RPL22: variants seen among roughly 807,000 people sequenced by gnomAD.
The protein encoded by RPL22 is ribosomal protein L22.
A neutral mutation model predicts 16.2 loss-of-function variants in RPL22; 4 were observed. That is an observed-to-expected ratio of 0.25 (90% CI 0.12 to 0.57). The LOEUF (loss-of-function observed/expected upper bound fraction) is 0.57. RPL22 is among the 20% of genes least tolerant of loss of function. RPL22 has a pLI of 0.92. For missense variants in RPL22, 83 were observed against 156.1 expected (o/e 0.53, Z 2.49); for synonymous variants, 43 against 54.8 (o/e 0.78, Z 0.95).
chr1:6,188,938 A>C, intron 3 of RPL22, among the ~76,000 whole-genome samples: 1 of 150,610 alleles, frequency 6.6e-6, no homozygotes, highest in East Asian at 1.9e-4. Flanking sequence ...GGCATGTGCC[A>C]CCACGCCCAG....
chr1:6,193,051 G>A lies in RPL22; in HGVS notation c.121C>T (p.Gln41Ter). 6.2e-7 allele frequency: 1 copy of A among 1,614,046 alleles called. No individual in the cohort carries two copies. Among genetic ancestry groups the A allele is most frequent in the Non-Finnish European group, 8.5e-7 (1 of 1,179,982 alleles). ...DGIMDAANFE[Q>*]FLQERIKVNG... is the part of the protein sequence containing the mutation. ...ACTTTGATCCTTTCTTGCAAAAACT[G>A]CTCCTGTAGAAATCATTAAATTGAC... Residue 41 changes from glutamine (Q) to a stop codon, truncating the protein, a stop_gained, in exon 3 of 4, where the codon CAG becomes TAG. Coordinates refer to ENST00000234875, the MANE Select transcript of RPL22 (RefSeq NM_000983.4). LOFTEE classifies it high-confidence loss of function.
Position 6,186,691 on chromosome 1 carries a change from T to G in RPL22, c.368A>C (p.Glu123Ala), listed in dbSNP as rs760572251. 6.4e-7 allele frequency: 1 copy of G among 1,561,746 alleles called. No individual in the cohort carries two copies. The highest frequency in any genetic ancestry group is 8.7e-7 in the Non-Finnish European group (1 of 1,148,692). Residue 123 changes from glutamate to alanine, a missense_variant, in exon 4 of 4, where the codon GAG becomes GCG. Transcript: ENST00000234875. ...TGAAATTTAATCCTCGTCTTCCTCC[T>G]CTTCTTCGTCCTGGTTAATCTGGAA... Reference protein sequence around the residue: ...RYFQINQDEEEEEDED With the variant: ...RYFQINQDEEAEEDED
intron 2 of RPL22, among the ~76,000 whole-genome samples, chr1:6,195,200 C>A (rs1021593981): frequency 6.6e-6 from 1 of 150,620 alleles, no homozygotes; most frequent in Non-Finnish European, 1.5e-5. Context: ...AATCCCAACA[C>A]TTTGGGAGCC....
chr1:6,195,114 G>A (rs1667699075), intron 2 of RPL22, among the ~76,000 whole-genome samples: 2 of 151,040 alleles, frequency 1.3e-5, no homozygotes, highest in South Asian at 4.2e-4. Flanking sequence ...TCCAGCCTGG[G>A]CAACAGAGCA....
At chr1:6,189,755 A>G (rs537554872) in intron 3 of RPL22, among the ~76,000 whole-genome samples, 1 of 152,122 alleles carries the variant, frequency 6.6e-6, no homozygotes, top group East Asian at 1.9e-4. Context: ...CCCCCTCTCT[A>G]CTAAAAATAC....
At chr1:6,195,923 C>T (rs1277946976) in intron 2 of RPL22, among the ~76,000 whole-genome samples, 3 of 151,602 alleles carry the variant, frequency 2.0e-5, no homozygotes, top group Non-Finnish European at 4.4e-5. Flanking sequence ...ATTAGCCAGG[C>T]GTGGTGGCAG....
intron 3 of RPL22, among the ~76,000 whole-genome samples, chr1:6,188,910 C>T (rs1667614926): frequency 6.6e-6 from 1 of 152,058 alleles, no homozygotes; most frequent in African/African-American, 2.4e-5. Context: ...CTCAGCCTCC[C>T]GAGTAGCTGG....
At chr1:6,194,839 G>A (rs1007362877) in intron 2 of RPL22, among the ~76,000 whole-genome samples, 2 of 152,162 alleles carry the variant, frequency 1.3e-5, no homozygotes, top group East Asian at 3.8e-4. Flanking sequence ...AGTGAGCCAG[G>A]ATCATGCTAC....
At chr1:6,194,451 T>C (rs1667690327) in intron 2 of RPL22, among the ~76,000 whole-genome samples, 1 of 152,234 alleles carries the variant, frequency 6.6e-6, no homozygotes, top group Non-Finnish European at 1.5e-5. Flanking sequence ...TGTGTGGGCC[T>C]CAGCAAGACA....
intron 3 of RPL22, among the ~76,000 whole-genome samples, chr1:6,188,053 A>G (rs1667604333): frequency 6.6e-6 from 1 of 152,062 alleles, no homozygotes. Context: ...GGATCATTTA[A>G]AAACTCTTTT....
chr1:6,185,545 G>C lies in RPL22; in HGVS notation c.*1127C>G. On this transcript the variant is annotated 3_prime_UTR_variant, in exon 4 of 4. Coordinates refer to ENST00000234875, the MANE Select transcript of RPL22 (RefSeq NM_000983.4). The stretch of plus-strand genomic sequence containing the variant: ...CATTGAACTTCCAGCTATGCAACTC[G>C]CAGGGCACAATTTCAAGTGTGGAAA... 2.5e-6 allele frequency: 1 copy of C among 395,114 alleles called. No individual in the cohort carries two copies. Among genetic ancestry groups the C allele is most frequent in the Non-Finnish European group, 4.5e-6 (1 of 224,110 alleles). The allele number at this position is 395,114 out of a possible 1,614,324, so 24.5% of individuals were successfully genotyped here. A position where few individuals can be genotyped will look rare whatever the true frequency, so the allele number is the denominator to read the frequency against.
rs570552199 is a variant in RPL22 at position 6,185,793 on chromosome 1, T to C, written c.*879A>G. The C allele has an allele frequency of 2.3e-4, 54 of 233,544 alleles. No homozygotes were observed. The South Asian group carries it at 8.5e-3, about 37-fold the overall frequency. 14.5% of individuals were successfully genotyped at this position (233,544 alleles called of 1,614,324 possible). A position where few individuals can be genotyped will look rare whatever the true frequency, so the allele number is the denominator to read the frequency against. ...ACACCACTGACATTAAATCCAGTCA[T>C]GGCCTAAGTGGCATGAGGCAGCTAT... On this transcript the variant is annotated 3_prime_UTR_variant, in exon 4 of 4. Transcript: ENST00000234875.
Position 6,191,460 on chromosome 1 carries a change from G to C in RPL22, c.242+1470C>G, listed in dbSNP as rs568245507. 7.4e-5 allele frequency among the ~76,000 whole-genome samples: 11 copies of C among 149,166 alleles called. No homozygotes were observed. The East Asian group carries it at 2.0e-3, about 27-fold the overall frequency. On this transcript the variant is annotated intron_variant, in intron 3 of 3. Transcript: ENST00000234875. ...AGGCGGGCGGATCACGAGGTCAGGA[G>C]ATCGAGACCATCCTGGCTAACACGG... is the stretch of plus-strand genomic sequence containing the variant.
intron 1 of RPL22, chr1:6,199,267 G>A: frequency 1.8e-6 from 1 of 568,924 alleles, no homozygotes; most frequent in Non-Finnish European, 2.6e-6. Flanking sequence ...CGGGGTCCGA[G>A]GACCAGTGGC....
chr1:6,197,639 G>C lies in RPL22; in HGVS notation c.117+13C>G, dbSNP rs765389147. ...TTCGTGACCACCCGAGTGGCAATAA[G>C]GATGTAACTTACAAAATTGGCAGCA... On this transcript the variant is annotated intron_variant, in intron 2 of 3. Transcript: ENST00000234875. 1.3e-6 allele frequency: 2 copies of C among 1,562,506 alleles called. No homozygotes were observed. The highest frequency in any genetic ancestry group is 1.7e-5 in the Admixed American group (1 of 59,932).
chr1:6,193,072 T>C lies in RPL22; in HGVS notation c.118-18A>G. 6.2e-7 allele frequency: 1 copy of C among 1,613,760 alleles called. No individual in the cohort carries two copies. The highest frequency in any genetic ancestry group is 8.5e-7 in the Non-Finnish European group (1 of 1,179,838). ...AACTGCTCCTGTAGAAATCATTAAA[T>C]TGACCAATGAAGTGACAAGTTCATC... is the stretch of plus-strand genomic sequence containing the variant. On this transcript the variant is annotated intron_variant, in intron 2 of 3. Transcript: ENST00000234875.
chr1:6,190,466 C>T (rs1173403803), intron 3 of RPL22, among the ~76,000 whole-genome samples: 1 of 152,112 alleles, frequency 6.6e-6, no homozygotes, highest in Non-Finnish European at 1.5e-5. Flanking sequence ...CCGCAACCTC[C>T]GCCTCCCTGG....
At chr1:6,191,722 G>T (rs1247127220) in intron 3 of RPL22, among the ~76,000 whole-genome samples, 1 of 151,524 alleles carries the variant, frequency 6.6e-6, no homozygotes, top group Non-Finnish European at 1.5e-5. Flanking sequence ...TGTGGGCCAG[G>T]CGCAGTGGCT....
chr1:6,194,069 G>A (rs1484650661), intron 2 of RPL22, among the ~76,000 whole-genome samples: 1 of 152,156 alleles, frequency 6.6e-6, no homozygotes, highest in African/African-American at 2.4e-5. Context: ...AGCCGGGTGT[G>A]GTGGCATGTG....
Sources: allele counts gnomAD v4.1 joint callset (sites outside exome capture counted in the v4.1 genomes callset), GRCh38; gene constraint gnomAD v4.1.1; transcripts MANE v1.5; gene names NCBI Gene and HGNC (gene_info 2026-07-23, HGNC 2026-07-21).